The following SCMH1 variants were observed in gnomAD, a reference collection of about 807,000 sequenced individuals.
The protein encoded by SCMH1 is polycomb protein SCMH1.
SCMH1 carries 37 observed loss-of-function variants against 70.8 expected under a neutral mutation model. The ratio of observed to expected loss-of-function variants is 0.52; its 90% CI spans 0.40 to 0.69. The LOEUF is 0.69. SCMH1 is among the 30% of genes least tolerant of loss of function. The pLI, the probability that SCMH1 is intolerant of heterozygous loss-of-function variation, is 0.00. For missense variants in SCMH1, 607 were observed against 827.3 expected, an observed-to-expected ratio of 0.73 and a Z score of 3.27; for synonymous variants, 292 against 307.4, an observed-to-expected ratio of 0.95 and a Z score of 0.52.
intron 6 of SCMH1, among the ~76,000 whole-genome samples, chr1:41,118,462 T>C (rs961549373): frequency 6.6e-6 from 1 of 152,170 alleles, no homozygotes; most frequent in African/African-American, 2.4e-5. Context: ...AAACCCAATA[T>C]ATAAGTAAAT....
chr1:41,147,218 G>T (rs1422665744), intron 5 of SCMH1, among the ~76,000 whole-genome samples: 2 of 152,050 alleles, frequency 1.3e-5, no homozygotes, highest in African/African-American at 2.4e-5. Flanking sequence ...CTTGGTGTTT[G>T]TTCTAAATCT....
intron 5 of SCMH1, among the ~76,000 whole-genome samples, chr1:41,150,537 A>G (rs1236724586): frequency 1.3e-5 from 2 of 152,112 alleles, no homozygotes; most frequent in African/African-American, 4.8e-5. Flanking sequence ...CATTATTAAC[A>G]TATGTTGTCT....
rs545884905 is a variant in SCMH1, at chr1:41,172,964, G to T, written c.14-11532C>A. Among the ~76,000 whole-genome samples the T allele has an allele frequency of 4.6e-5, 7 of 152,008 alleles. No individual in the cohort carries two copies. The East Asian group carries it at 7.7e-4, about 17-fold the overall frequency. On this transcript the variant is annotated intron_variant, in intron 2 of 14. Transcript: ENST00000337495. ...AAAACAGATCAAGACTTAAATGAAG[G>T]CCTGAAACTATAAAACTACTAGAAA...
chr1:41,229,748 A>T (rs1424261250), intron 1 of SCMH1, among the ~76,000 whole-genome samples: 1 of 152,206 alleles, frequency 6.6e-6, no homozygotes, highest in Non-Finnish European at 1.5e-5. Flanking sequence ...ATTAAAAAAA[A>T]AATAAGATTG....
intron 5 of SCMH1, among the ~76,000 whole-genome samples, chr1:41,147,586 A>G (rs538893922): frequency 6.8e-4 from 103 of 152,214 alleles, no homozygotes; most frequent in Non-Finnish European, 4.9e-4. Flanking sequence ...AATCCACTAT[A>G]TATTTGCTGA....
intron 1 of SCMH1, among the ~76,000 whole-genome samples, chr1:41,223,967 G>A (rs774061214): frequency 1.3e-5 from 2 of 152,032 alleles, no homozygotes; most frequent in South Asian, 2.1e-4. Context: ...AATCATCCTC[G>A]GATGATCCAG....
At position 41,141,435 on chromosome 1, in the gene SCMH1, C is replaced by A. The variant is rs557724077; in HGVS notation, c.412+1443G>T. Among the ~76,000 whole-genome samples the A allele has an allele frequency of 2.0e-5, 3 of 152,296 alleles. No individual in the cohort carries two copies. The South Asian group carries it at 6.2e-4, about 32-fold the overall frequency. On this transcript the variant is annotated intron_variant, in intron 6 of 14. Transcript: ENST00000337495. ...TGTCAACCCTGATCTAGACTATGAG[C>A]AGCAATGGCTGCTACATTATATTAC...
intron 8 of SCMH1, among the ~76,000 whole-genome samples, chr1:41,086,289 C>T (rs1661650290): frequency 6.6e-6 from 1 of 152,060 alleles, no homozygotes; most frequent in African/African-American, 2.4e-5. Context: ...AACTGACATA[C>T]AAAACTCAAC....
intron 2 of SCMH1, among the ~76,000 whole-genome samples, chr1:41,175,658 T>A (rs1212612608): frequency 6.6e-6 from 1 of 152,198 alleles, no homozygotes; most frequent in Non-Finnish European, 1.5e-5. Context: ...TTAAGGGTGC[T>A]TTACAAAGCC....
At chr1:41,241,274 G>A (rs1402328437) in intron 1 of SCMH1, among the ~76,000 whole-genome samples, 1 of 152,236 alleles carries the variant, frequency 6.6e-6, no homozygotes, top group Non-Finnish European at 1.5e-5. Context: ...AGATATTCCG[G>A]GGTTCACCCA....
At chr1:41,099,478 C>CA (rs1227387321) in intron 8 of SCMH1, among the ~76,000 whole-genome samples, 3 of 152,186 alleles carry the variant, frequency 2.0e-5, no homozygotes, top group Non-Finnish European at 1.5e-5. Flanking sequence ...CCCATATTCA[C>CA]AATTATCTCA....
intron 9 of SCMH1, among the ~76,000 whole-genome samples, chr1:41,071,402 G>A (rs1306814314): frequency 6.6e-6 from 1 of 151,892 alleles, no homozygotes; most frequent in African/African-American, 2.4e-5. Context: ...TGTTGCATTT[G>A]TCAACGTATT....
At chr1:41,210,479 A>G (rs1053849812) in intron 1 of SCMH1, among the ~76,000 whole-genome samples, 2 of 152,220 alleles carry the variant, frequency 1.3e-5, no homozygotes, top group African/African-American at 4.8e-5. Context: ...CTACGTAACC[A>G]AAACAGCATG....
intron 8 of SCMH1, among the ~76,000 whole-genome samples, chr1:41,081,702 C>T (rs1324286863): frequency 6.6e-6 from 1 of 152,018 alleles, no homozygotes; most frequent in Non-Finnish European, 1.5e-5. Flanking sequence ...CACCTGTAGT[C>T]CCAGTGACTC....
At position 41,121,877 on chromosome 1, in the gene SCMH1, G is replaced by C. The variant is rs1403081470; in HGVS notation, c.413-4867C>G. 1.2e-4 allele frequency among the ~76,000 whole-genome samples: 19 copies of C among 152,094 alleles called. 1 individual carries two copies. Among genetic ancestry groups the C allele is most frequent in the Admixed American group, 1.2e-3 (19 of 15,260 alleles). ...CCAGGTGCTCAGACCTAAAAGACTA[G>C]AAGTCATCCTTGATTCTTCCCTTTC... On this transcript the variant is annotated intron_variant, in intron 6 of 14. Coordinates refer to ENST00000337495, the Ensembl canonical transcript of SCMH1.
At chr1:41,176,430 C>G (rs1298455197) in intron 2 of SCMH1, among the ~76,000 whole-genome samples, 3 of 152,158 alleles carry the variant, frequency 2.0e-5, no homozygotes. Flanking sequence ...GCGCACTGAG[C>G]ATGAGCCGAA....
intron 2 of SCMH1, among the ~76,000 whole-genome samples, chr1:41,170,293 G>A (rs972133937): frequency 3.9e-5 from 6 of 152,158 alleles, no homozygotes; most frequent in Admixed American, 3.9e-4. Context: ...CCTCTCCATG[G>A]GGAGAAGTTG....
At chr1:41,137,428 G>T (rs1643526956) in intron 6 of SCMH1, among the ~76,000 whole-genome samples, 1 of 151,970 alleles carries the variant, frequency 6.6e-6, no homozygotes, top group Non-Finnish European at 1.5e-5. Context: ...TCTAAAGTTT[G>T]ACATGCATAC....
chr1:41,197,566 T>C (rs1419532232), intron 1 of SCMH1, among the ~76,000 whole-genome samples: 1 of 152,078 alleles, frequency 6.6e-6, no homozygotes, highest in Non-Finnish European at 1.5e-5. Context: ...ATTTAATGCG[T>C]ACAGAATTTC....
Sources: allele counts gnomAD v4.1 joint callset (sites outside exome capture counted in the v4.1 genomes callset), GRCh38; gene constraint gnomAD v4.1.1; transcripts MANE v1.5; gene names NCBI Gene and HGNC (gene_info 2026-07-23, HGNC 2026-07-21).